Variants in TACR1 observed in about 807,000 individuals in gnomAD.
TACR1 encodes the protein tachykinin receptor 1, also known as substance-P receptor.
TACR1 carries 25 observed loss-of-function variants against 35.8 expected under a neutral mutation model. The ratio of observed to expected loss-of-function variants is 0.70; its 90% CI spans 0.51 to 0.98. TACR1 has a LOEUF of 0.98. Ranked by LOEUF, TACR1 falls within the 50% of genes least tolerant of loss-of-function variation. The pLI is 0.00. For synonymous variants in TACR1, 195 were observed against 206.7 expected (o/e 0.94, Z 0.48); for missense variants, 478 against 522.9 (o/e 0.91, Z 0.84).
At chr2:75,113,836 A>AT (rs909992933) in intron 2 of TACR1, among the ~76,000 whole-genome samples, 119 of 150,824 alleles carry the variant, frequency 7.9e-4, no homozygotes, top group Middle Eastern at 3.4e-3. Flanking sequence ...AAGGATCCAC[A>AT]TTTTTTTTTA....
chr2:75,145,993 GGC>G (rs1488152464), intron 1 of TACR1, among the ~76,000 whole-genome samples: 1 of 152,098 alleles, frequency 6.6e-6, no homozygotes, highest in Non-Finnish European at 1.5e-5. Flanking sequence ...AAGAGAAAGT[GGC>G]CAAAGATCAA....
chr2:75,105,273 G>A (rs1238138021), intron 2 of TACR1, among the ~76,000 whole-genome samples: 2 of 152,046 alleles, frequency 1.3e-5, no homozygotes, highest in East Asian at 3.9e-4. Context: ...AGTAAAATAA[G>A]CTAGGCAGAG....
At chr2:75,085,285 C>T (rs1673169617) in intron 2 of TACR1, among the ~76,000 whole-genome samples, 1 of 152,108 alleles carries the variant, frequency 6.6e-6, no homozygotes, top group South Asian at 2.1e-4. Context: ...GCCCCTTACC[C>T]TCCATGATCT....
chr2:75,186,396 A>G (rs1171691945), intron 1 of TACR1, among the ~76,000 whole-genome samples: 1 of 150,874 alleles, frequency 6.6e-6, no homozygotes, highest in Admixed American at 6.6e-5. Context: ...AAAAAAAGAA[A>G]GAAAGTCTTG....
In TACR1 at chr2:75,198,958, T is replaced by G. The variant is rs772450321; in HGVS notation, c.-24A>C. 5.0e-6 allele frequency: 8 copies of G among 1,607,362 alleles called. No individual in the cohort carries two copies. In the East Asian group the frequency reaches 1.6e-4, roughly 31 times the overall value. On this transcript the variant is annotated 5_prime_UTR_variant, in exon 1 of 5. Transcript: ENST00000305249. ...ATTTCGAAGCTAGGCGGTAAAGCCC[T>G]ACTATCTGTACACAACCCCCCTCTG...
intron 1 of TACR1, among the ~76,000 whole-genome samples, chr2:75,145,266 T>C (rs1050908123): frequency 6.6e-6 from 1 of 152,148 alleles, no homozygotes; most frequent in African/African-American, 2.4e-5. Context: ...ATATTTTATT[T>C]AATGGTGAAA....
At chr2:75,123,760 C>G (rs894251420) in intron 1 of TACR1, among the ~76,000 whole-genome samples, 10 of 152,180 alleles carry the variant, frequency 6.6e-5, no homozygotes, top group Middle Eastern at 3.4e-3. Context: ...ATTTCTGGGG[C>G]TCGTTTAACA....
chr2:75,116,629 C>T (rs543044561), intron 2 of TACR1, among the ~76,000 whole-genome samples: 12 of 152,210 alleles, frequency 7.9e-5, no homozygotes, highest in African/African-American at 2.6e-4. Context: ...ATTTTCTGGG[C>T]TGGGCACGGT....
At chr2:75,133,677 T>C (rs148482830) in intron 1 of TACR1, among the ~76,000 whole-genome samples, 1 of 152,188 alleles carries the variant, frequency 6.6e-6, no homozygotes, top group Non-Finnish European at 1.5e-5. Flanking sequence ...ACACTCACTG[T>C]CAACAATGAG....
intron 1 of TACR1, among the ~76,000 whole-genome samples, chr2:75,181,297 T>TTGAGGGA: frequency 6.6e-6 from 1 of 152,146 alleles, no homozygotes; most frequent in Non-Finnish European, 1.5e-5. Flanking sequence ...TTTGAAAAGC[T>TTGAGGGA]TCTTTCCAAA....
chr2:75,098,242 G>C (rs1255321241), intron 2 of TACR1, among the ~76,000 whole-genome samples: 1 of 152,080 alleles, frequency 6.6e-6, no homozygotes, highest in Non-Finnish European at 1.5e-5. Flanking sequence ...TTAGTGCTTA[G>C]TTTTTACATC....
rs543652156 is a variant in TACR1 at position 75,143,185 on chromosome 2, G to A, written c.390-22417C>T. ...GGGCTATAGTCTGAGGTGCAAGCGA[G>A]GACAGGGTTAGAGAAAAGGTAGAAA... On this transcript the variant is annotated intron_variant, in intron 1 of 4. Coordinates refer to ENST00000305249, the MANE Select transcript of TACR1 (RefSeq NM_001058.4). 2.6e-5 allele frequency among the ~76,000 whole-genome samples: 4 copies of A among 152,306 alleles called. No individual in the cohort carries two copies. In the East Asian group the frequency reaches 7.7e-4, roughly 29 times the overall value.
chr2:75,058,696 C>T (rs1672617094), intron 2 of TACR1, among the ~76,000 whole-genome samples: 1 of 152,200 alleles, frequency 6.6e-6, no homozygotes, highest in Admixed American at 6.5e-5. Context: ...TTTGTTCATC[C>T]CTGTAAGCAG....
At chr2:75,059,212 C>T (rs1244231014) in intron 2 of TACR1, among the ~76,000 whole-genome samples, 1 of 152,152 alleles carries the variant, frequency 6.6e-6, no homozygotes, top group Non-Finnish European at 1.5e-5. Flanking sequence ...CATAATCATC[C>T]AGAATCTTCT....
intron 2 of TACR1, among the ~76,000 whole-genome samples, chr2:75,067,703 G>A (rs180945558): frequency 6.6e-6 from 1 of 152,284 alleles, no homozygotes; most frequent in Non-Finnish European, 1.5e-5. Context: ...CGTGAAGGGT[G>A]CAGTGGTGGG....
intron 1 of TACR1, among the ~76,000 whole-genome samples, chr2:75,165,060 C>T (rs1275800299): frequency 6.6e-6 from 1 of 152,134 alleles, no homozygotes; most frequent in African/African-American, 2.4e-5. Context: ...GATCAACCAC[C>T]TGAGCATCCA....
At chr2:75,110,741 A>AATCAATCTT (rs149579466) in intron 2 of TACR1, among the ~76,000 whole-genome samples, 21,516 of 151,864 alleles carry the variant, frequency 0.14, 2,088 homozygotes, top group East Asian at 0.48. Context: ...TCATTTCTTT[A>AATCAATCTT]ATCAATCTTT....
chr2:75,146,313 G>C (rs372821451), intron 1 of TACR1, among the ~76,000 whole-genome samples: 1 of 152,044 alleles, frequency 6.6e-6, no homozygotes, highest in Non-Finnish European at 1.5e-5. Flanking sequence ...AGTATACACA[G>C]TGTTTCACCA....
At chr2:75,119,733 T>A (rs924731785) in intron 2 of TACR1, among the ~76,000 whole-genome samples, 1 of 152,216 alleles carries the variant, frequency 6.6e-6, no homozygotes, top group Non-Finnish European at 1.5e-5. Flanking sequence ...TGGCCTGACC[T>A]TCCCATGTGT....
Sources: gnomAD v4.1 joint callset for allele counts (sites outside exome capture counted in the v4.1 genomes callset) on GRCh38, gnomAD v4.1.1 for gene constraint, MANE v1.5 for transcripts, NCBI Gene and HGNC (gene_info 2026-07-23, HGNC 2026-07-21) for gene names.